Variants in SPATA6L observed in about 807,000 individuals in gnomAD.
The protein encoded by SPATA6L is spermatogenesis associated 6 like.
Under a neutral mutation model 49.2 loss-of-function variants are expected in SPATA6L, and 68 were observed. That is an observed-to-expected ratio of 1.38 (90% CI 1.14 to 1.69). SPATA6L has a LOEUF of 1.69. SPATA6L is among the 40% of genes most tolerant of loss of function. The pLI is 0.00. For synonymous variants in SPATA6L, 198 were observed against 165.7 expected, an observed-to-expected ratio of 1.19 and a Z score of -1.50; for missense variants, 668 against 464.3, an observed-to-expected ratio of 1.44 and a Z score of -4.03.
intron 1 of SPATA6L, chr9:4,663,033 C>A: frequency 6.2e-7 from 1 of 1,613,896 alleles, no homozygotes; most frequent in Non-Finnish European, 8.5e-7. Flanking sequence ...AAGGGCCGCC[C>A]TGATGTCGAG....
At chr9:4,625,248 T>C in intron 6 of SPATA6L, 79 bp downstream of exon 6, 4 of 1,509,994 alleles carry the variant, frequency 2.6e-6, no homozygotes, top group Non-Finnish European at 1.8e-6. Context: ...TTTGTTGTTA[T>C]AACTCAACCT....
At chr9:4,629,552 T>C (rs1384994511) in intron 4 of SPATA6L, among the ~76,000 whole-genome samples, 1 of 151,886 alleles carries the variant, frequency 6.6e-6, no homozygotes, top group Non-Finnish European at 1.5e-5. Flanking sequence ...CACTGTACCA[T>C]GGAATTGAAT....
rs115339705 is a variant in SPATA6L at position 4,627,792 on chromosome 9, G to A, written c.429+1299C>T. ...GAATACAATCCGAGCATCAGCCTCA[G>A]CAAAAGAAAGGTGGCCCCATGTTTA... On this transcript the variant is annotated intron_variant, in intron 5 of 11. Transcript: ENST00000682582. 2.4e-4 allele frequency: 311 copies of A among 1,289,368 alleles called. No homozygotes were observed. The African/African-American group carries it at 4.5e-3, about 19-fold the overall frequency. The allele number at this position is 1,289,368 out of a possible 1,614,324, so 79.9% of individuals were successfully genotyped here.
At chr9:4,597,360 ACACACACACG>A (rs1175079997), downstream of SPATA6L, among the ~76,000 whole-genome samples, 30 of 110,474 alleles carry the variant, frequency 2.7e-4, no homozygotes, top group African/African-American at 9.0e-4. Flanking sequence ...ACACACACAC[ACACACACACG>A]GTGGGGCGTG....
intron 3 of SPATA6L, among the ~76,000 whole-genome samples, chr9:4,649,305 C>T (rs1055922373): frequency 3.3e-5 from 5 of 152,212 alleles, no homozygotes; most frequent in African/African-American, 1.2e-4. Context: ...AATCTCTACA[C>T]TATTTTCCAC....
chr9:4,648,073 G>A (rs1050913938), intron 3 of SPATA6L, among the ~76,000 whole-genome samples: 1 of 152,052 alleles, frequency 6.6e-6, no homozygotes, highest in Non-Finnish European at 1.5e-5. Flanking sequence ...GACCTCAGGT[G>A]ATTTGCCCAC....
chr9:4,650,824 TTGTGTGTGTGTGTGTGTGTG>T (rs59184426), intron 3 of SPATA6L, among the ~76,000 whole-genome samples: 15,884 of 137,094 alleles, frequency 0.12, 1,067 homozygotes, highest in African/African-American at 0.18. Context: ...CAAACCCAGC[TTGTGTGTGTGTGTGTGTGTG>T]TGTGTGTGTG....
At chr9:4,628,754 A>G (rs990304993) in intron 5 of SPATA6L, 33 of 163,430 alleles carry the variant, frequency 2.0e-4, no homozygotes, top group African/African-American at 9.3e-4. Flanking sequence ...TTAAAAAAGA[A>G]AGATGGAAAC....
intron 9 of SPATA6L, among the ~76,000 whole-genome samples, chr9:4,609,254 C>G (rs934917370): frequency 1.1e-4 from 16 of 150,870 alleles, no homozygotes; most frequent in African/African-American, 3.9e-4. Flanking sequence ...TGAAACTATT[C>G]CAATCAATAG....
intron 5 of SPATA6L, chr9:4,628,760 G>GAAACT (rs138697855): frequency 0.2 from 36,170 of 180,996 alleles, 5,774 homozygotes; most frequent in African/African-American, 0.43. Flanking sequence ...AAGAAAGATG[G>GAAACT]AAACTGTTGT....
Position 4,599,579 on chromosome 9 carries a change from T to C in SPATA6L, c.*1232A>G, listed in dbSNP as rs1822741075. Among the ~76,000 whole-genome samples, 1 of 152,198 alleles carries C rather than the reference T, an allele frequency of 6.6e-6. No individual in the cohort carries two copies. Among genetic ancestry groups the C allele is most frequent in the Non-Finnish European group, 1.5e-5 (1 of 68,042 alleles). On this transcript the variant is annotated 3_prime_UTR_variant, in exon 12 of 12. Transcript: ENST00000682582. ...ACTACAGGAATTCATTTCTCACAGT[T>C]CTGGAAGCTGGGAAGTCCAAGATCA...
At chr9:4,606,906 G>A (rs1471410659) in intron 9 of SPATA6L, among the ~76,000 whole-genome samples, 6 of 142,574 alleles carry the variant, frequency 4.2e-5, no homozygotes, top group Non-Finnish European at 8.9e-5. Context: ...AAAAAATTTA[G>A]AAGAATGTAT....
chr9:4,620,784 G>A (rs368877806), intron 7 of SPATA6L, among the ~76,000 whole-genome samples: 5 of 152,304 alleles, frequency 3.3e-5, no homozygotes, highest in East Asian at 3.9e-4. Flanking sequence ...TGATGTGTGA[G>A]TCCCATCGTA....
chr9:4,606,125 A>G (rs1824858133), intron 9 of SPATA6L, among the ~76,000 whole-genome samples: 1 of 151,696 alleles, frequency 6.6e-6, no homozygotes. Context: ...ATGGCGCACC[A>G]CCCACCTGGC....
At chr9:4,605,757 T>G (rs1470561208) in intron 9 of SPATA6L, among the ~76,000 whole-genome samples, 1 of 152,234 alleles carries the variant, frequency 6.6e-6, no homozygotes, top group Non-Finnish European at 1.5e-5. Flanking sequence ...CATTTAAAAT[T>G]TTAATCTAAA....
chr9:4,615,991 G>A (rs754710474), intron 9 of SPATA6L, among the ~76,000 whole-genome samples: 5 of 152,152 alleles, frequency 3.3e-5, no homozygotes, highest in Non-Finnish European at 5.9e-5. Flanking sequence ...AGGTTTAAAA[G>A]GTTGAAGCCA....
At chr9:4,589,205 T>C (rs1283566783) in intron 13 of SPATA6L, among the ~76,000 whole-genome samples, 1 of 152,234 alleles carries the variant, frequency 6.6e-6, no homozygotes, top group Non-Finnish European at 1.5e-5. Flanking sequence ...CAGCAGTCAA[T>C]GAGAAAATGC....
chr9:4,637,731 GAAC>G (rs55702608), intron 3 of SPATA6L, among the ~76,000 whole-genome samples: 27,724 of 152,032 alleles, frequency 0.18, 3,017 homozygotes, highest in East Asian at 0.36. Context: ...CAAACCTGTA[GAAC>G]AACACTTGGG....
chr9:4,657,760 G>A (rs1409880308), intron 2 of SPATA6L, among the ~76,000 whole-genome samples: 2 of 152,140 alleles, frequency 1.3e-5, no homozygotes, highest in Non-Finnish European at 2.9e-5. Context: ...GAGATCAGCT[G>A]GCAGTTTCTG....
Sources: gnomAD v4.1 joint callset for allele counts (sites outside exome capture counted in the v4.1 genomes callset) on GRCh38, gnomAD v4.1.1 for gene constraint, MANE v1.5 for transcripts, NCBI Gene and HGNC (gene_info 2026-07-23, HGNC 2026-07-21) for gene names.